The following PTBP3 variants were observed in gnomAD, a reference collection of about 807,000 sequenced individuals.
PTBP3 encodes polypyrimidine tract-binding protein 3.
A neutral mutation model predicts 58.7 loss-of-function variants in PTBP3; 20 were observed. That is an observed-to-expected ratio of 0.34 (90% CI 0.24 to 0.50). The LOEUF (loss-of-function observed/expected upper bound fraction) is 0.50, where lower values mean the gene tolerates loss of function less well. Ranked by LOEUF, PTBP3 falls within the 20% of genes least tolerant of loss-of-function variation. The probability of loss-of-function intolerance (pLI) is 0.98; values close to 1 mark genes in which losing one functional copy is unlikely to be tolerated. For missense variants in PTBP3, 509 were observed against 637.2 expected (o/e 0.80, Z 2.17); for synonymous variants, 185 against 219.8 (o/e 0.84, Z 1.40).
At chr9:112,232,369 T>TGAA in intron 8 of PTBP3, 131 bp from the exon 9 acceptor site, 1 of 929,838 alleles carries the variant, frequency 1.1e-6, no homozygotes, top group South Asian at 1.8e-5. Context: ...ATAAAGATAC[T>TGAA]GAAGGCCAGT....
At chr9:112,313,407 T>C (rs368962690) in intron 1 of PTBP3, among the ~76,000 whole-genome samples, 13 of 152,360 alleles carry the variant, frequency 8.5e-5, no homozygotes, top group African/African-American at 3.1e-4. Flanking sequence ...CAATATTTAT[T>C]CACCATTGTG....
At chr9:112,243,366 C>A (rs1012487369) in intron 7 of PTBP3, among the ~76,000 whole-genome samples, 9 of 152,016 alleles carry the variant, frequency 5.9e-5, no homozygotes, top group African/African-American at 1.7e-4. Context: ...CACGGTGAAA[C>A]CCCATCTCTA....
chr9:112,378,202 T>G, the PTBP3 span, among the ~76,000 whole-genome samples: 1 of 152,198 alleles, frequency 6.6e-6, no homozygotes, highest in Non-Finnish European at 1.5e-5. Context: ...AATCACACTT[T>G]AAATGAACTC....
intron 11 of PTBP3, among the ~76,000 whole-genome samples, chr9:112,228,062 A>C (rs183604068): frequency 9.8e-5 from 15 of 152,304 alleles, no homozygotes; most frequent in Non-Finnish European, 2.1e-4. Context: ...TGGTTACAGA[A>C]AACTTAATTT....
intron 5 of PTBP3, among the ~76,000 whole-genome samples, chr9:112,255,371 A>T (rs1836302655): frequency 6.6e-6 from 1 of 152,214 alleles, no homozygotes. Flanking sequence ...AGTAAAATTC[A>T]TGTTATATAT....
the PTBP3 span, among the ~76,000 whole-genome samples, chr9:112,342,664 C>T: frequency 2.6e-5 from 4 of 151,810 alleles, no homozygotes; most frequent in East Asian, 1.9e-4. Context: ...TGCAGTGAGC[C>T]GAGATTGCAC....
chr9:112,271,987 T>G (rs1158230232), intron 3 of PTBP3, among the ~76,000 whole-genome samples: 1 of 152,176 alleles, frequency 6.6e-6, no homozygotes, highest in Non-Finnish European at 1.5e-5. Context: ...TTATATTTTA[T>G]AGTATACATA....
chr9:112,346,467 G>A, the PTBP3 span, among the ~76,000 whole-genome samples: 3 of 151,844 alleles, frequency 2.0e-5, no homozygotes, highest in Non-Finnish European at 4.4e-5. Context: ...ACACCTGGCC[G>A]GCAAATATAA....
chr9:112,328,363 T>A (rs764419187), intron 1 of PTBP3, among the ~76,000 whole-genome samples: 3 of 152,230 alleles, frequency 2.0e-5, no homozygotes, highest in Admixed American at 6.5e-5. Flanking sequence ...CATTCCCAGA[T>A]CTAAGCCTAT....
chr9:112,290,032 G>A (rs1589872619), intron 2 of PTBP3, among the ~76,000 whole-genome samples: 1 of 152,098 alleles, frequency 6.6e-6, no homozygotes, highest in South Asian at 2.1e-4. Context: ...CTAATAAGAT[G>A]CAAAAAATGG....
In PTBP3 at chr9:112,307,848, T is replaced by C. The variant is rs78181512; in HGVS notation, c.-51-9932A>G. Among the ~76,000 whole-genome samples, 937 of 152,370 alleles carry C rather than the reference T, an allele frequency of 6.1e-3. 7 individuals are homozygous for C. The highest frequency in any genetic ancestry group is 0.027 in the South Asian group (129 of 4,830). The stretch of plus-strand genomic sequence containing the variant: ...CTGTATTATTACTTTAAACCAACCT[T>C]GTCCAACATGCAGCCCATGGGCCAC... On this transcript the variant is annotated intron_variant, in intron 1 of 13. Coordinates refer to ENST00000374257, the MANE Select transcript of PTBP3 (RefSeq NM_001163788.4).
chr9:112,329,591 G>C (rs1830286494), intron 1 of PTBP3, among the ~76,000 whole-genome samples: 1 of 152,164 alleles, frequency 6.6e-6, no homozygotes, highest in Non-Finnish European at 1.5e-5. Context: ...TTGGTACCTG[G>C]AAGACAAGAG....
chr9:112,360,165 A>T, the PTBP3 span, among the ~76,000 whole-genome samples: 1 of 152,198 alleles, frequency 6.6e-6, no homozygotes, highest in South Asian at 2.1e-4. Context: ...ATCAGAAGCA[A>T]CTACCACCCC....
At chr9:112,359,606 C>T in the PTBP3 span, among the ~76,000 whole-genome samples, 4 of 152,098 alleles carry the variant, frequency 2.6e-5, no homozygotes, top group Non-Finnish European at 5.9e-5. Flanking sequence ...GAGTTCAAGA[C>T]GAGCCTGGCC....
chr9:112,347,276 C>A, the PTBP3 span, among the ~76,000 whole-genome samples: 2 of 151,568 alleles, frequency 1.3e-5, no homozygotes, highest in Non-Finnish European at 2.9e-5. Flanking sequence ...GAATAAAATA[C>A]CATAGGCAAT....
At position 112,220,730 on chromosome 9, in the gene PTBP3, A is replaced by C. The variant is rs1564380721; in HGVS notation, c.*3121T>G. The C allele has an allele frequency of 1.0e-6, 1 of 983,576 alleles. No homozygotes were observed. Among genetic ancestry groups the C allele is most frequent in the East Asian group, 1.1e-4 (1 of 8,838 alleles). The allele number at this position is 983,576 out of a possible 1,614,324, so 60.9% of individuals were successfully genotyped here. A position where few individuals can be genotyped will look rare whatever the true frequency, so the allele number is the denominator to read the frequency against. ...CACAAAACACATTTTACTGCTATGCAAATTATTCAAATCTCAAAGTAAATC... is the reference window on the plus strand; with the variant it reads ...CACAAAACACATTTTACTGCTATGCCAATTATTCAAATCTCAAAGTAAATC... On this transcript the variant is annotated 3_prime_UTR_variant, in exon 14 of 14. Coordinates refer to ENST00000374257, the MANE Select transcript of PTBP3 (RefSeq NM_001163788.4).
rs752556851 is a variant in PTBP3, at chr9:112,223,828, T to C, written c.*23A>G. On this transcript the variant is annotated 3_prime_UTR_variant, in exon 14 of 14. Coordinates refer to ENST00000374257, the MANE Select transcript of PTBP3 (RefSeq NM_001163788.4). ...TTTTACTGAAATTATGGTCCAGTTT[T>C]AGGAGAAAAATTCACAGAAAAGTCA... 3.1e-6 allele frequency: 5 copies of C among 1,613,322 alleles called. No homozygotes were observed. The highest frequency in any genetic ancestry group is 3.4e-6 in the Non-Finnish European group (4 of 1,179,660).
chr9:112,310,750 T>A (rs1420100415), intron 1 of PTBP3, among the ~76,000 whole-genome samples: 1 of 152,204 alleles, frequency 6.6e-6, no homozygotes, highest in Middle Eastern at 3.2e-3. Context: ...AATTTCAATT[T>A]CAAATAGGAC....
At chr9:112,233,606 T>C (rs1314971383) in intron 8 of PTBP3, among the ~76,000 whole-genome samples, 1 of 152,086 alleles carries the variant, frequency 6.6e-6, no homozygotes, top group East Asian at 1.9e-4. Context: ...CATATCACTC[T>C]TTCTGTTAAC....
Sources: allele counts gnomAD v4.1 joint callset (sites outside exome capture counted in the v4.1 genomes callset), GRCh38; gene constraint gnomAD v4.1.1; transcripts MANE v1.5; gene names NCBI Gene and HGNC (gene_info 2026-07-23, HGNC 2026-07-21).